EEFSEC: variants seen among roughly 807,000 people sequenced by gnomAD.
EEFSEC encodes eukaryotic elongation factor, selenocysteine-tRNA specific.
A neutral mutation model predicts 42.1 loss-of-function variants in EEFSEC; 43 were observed. That is an observed-to-expected ratio of 1.02 (90% CI 0.80 to 1.32). EEFSEC has a LOEUF of 1.32. EEFSEC is among the 40% of genes most tolerant of loss of function. The pLI is 0.00. For missense variants in EEFSEC, 745 were observed against 803.6 expected, an observed-to-expected ratio of 0.93 and a Z score of 0.88; for synonymous variants, 354 against 339.1, an observed-to-expected ratio of 1.04 and a Z score of -0.48.
chr3:128,306,505 A>G (rs2066828889), intron 4 of EEFSEC, among the ~76,000 whole-genome samples: 2 of 152,168 alleles, frequency 1.3e-5, no homozygotes, highest in Non-Finnish European at 1.5e-5. Context: ...CCAGTTTTCT[A>G]TTTGTTAACG....
At chr3:128,260,511 C>G (rs2066286324) in intron 2 of EEFSEC, among the ~76,000 whole-genome samples, 1 of 152,200 alleles carries the variant, frequency 6.6e-6, no homozygotes, top group African/African-American at 2.4e-5. Flanking sequence ...GCTATTTGCA[C>G]TAAGCAAGCT....
chr3:128,397,336 G>T (rs952857628), intron 6 of EEFSEC, among the ~76,000 whole-genome samples: 1 of 152,214 alleles, frequency 6.6e-6, no homozygotes, highest in African/African-American at 2.4e-5. Context: ...GATGGGAATC[G>T]CTGCTCCCTG....
At chr3:128,352,244 C>T (rs572367892) in intron 5 of EEFSEC, among the ~76,000 whole-genome samples, 3 of 152,358 alleles carry the variant, frequency 2.0e-5, no homozygotes, top group Admixed American at 2.0e-4. Context: ...GTAGGCCTCA[C>T]AGCATCCTGT....
At chr3:128,198,580 C>G (rs1275794227) in intron 1 of EEFSEC, among the ~76,000 whole-genome samples, 1 of 152,178 alleles carries the variant, frequency 6.6e-6, no homozygotes, top group South Asian at 2.1e-4. Context: ...GTGACAGGGC[C>G]ATGAGCTTGG....
intron 1 of EEFSEC, 110 bp downstream of exon 1, chr3:128,153,933 A>C: frequency 2.2e-6 from 3 of 1,360,672 alleles, no homozygotes; most frequent in African/African-American, 1.5e-5. Flanking sequence ...GCCCCACCTC[A>C]TTGGTGGGGC....
intron 1 of EEFSEC, among the ~76,000 whole-genome samples, chr3:128,227,690 C>T (rs895873257): frequency 5.3e-5 from 8 of 152,156 alleles, no homozygotes; most frequent in Admixed American, 3.9e-4. Context: ...AGTCTGGGTC[C>T]GGGGGTGAAT....
At chr3:128,169,098 T>C (rs1007643585) in intron 1 of EEFSEC, among the ~76,000 whole-genome samples, 7 of 152,172 alleles carry the variant, frequency 4.6e-5, no homozygotes, top group Non-Finnish European at 7.3e-5. Flanking sequence ...TGCGGAATTA[T>C]AAATTATGTA....
intron 6 of EEFSEC, among the ~76,000 whole-genome samples, chr3:128,392,390 A>G (rs1050709701): frequency 6.6e-6 from 1 of 152,170 alleles, no homozygotes; most frequent in Non-Finnish European, 1.5e-5. Context: ...GGCCCTGCCC[A>G]CCAGGCATGC....
At chr3:128,296,012 A>G (rs377391154) in intron 4 of EEFSEC, among the ~76,000 whole-genome samples, 19 of 152,168 alleles carry the variant, frequency 1.2e-4, no homozygotes, top group African/African-American at 4.3e-4. Flanking sequence ...CTGAGAAAGC[A>G]CATGTTACCA....
At chr3:128,266,428 C>T (rs1236075497) in intron 4 of EEFSEC, among the ~76,000 whole-genome samples, 2 of 152,024 alleles carry the variant, frequency 1.3e-5, no homozygotes, top group East Asian at 2.0e-4. Context: ...TCATGGAGGG[C>T]AGGCATGAAC....
intron 4 of EEFSEC, among the ~76,000 whole-genome samples, chr3:128,295,713 G>A (rs2066698238): frequency 1.3e-5 from 2 of 151,008 alleles, no homozygotes; most frequent in Admixed American, 1.3e-4. Flanking sequence ...AGAGTCCCAA[G>A]CAGGTGACCC....
chr3:128,205,626 C>T (rs1050895365), intron 1 of EEFSEC, among the ~76,000 whole-genome samples: 2 of 152,204 alleles, frequency 1.3e-5, no homozygotes, highest in Non-Finnish European at 2.9e-5. Context: ...ATTAAGTTGC[C>T]GTCAGCCTCT....
intron 1 of EEFSEC, among the ~76,000 whole-genome samples, chr3:128,182,646 G>T (rs1373785495): frequency 6.6e-6 from 1 of 152,156 alleles, no homozygotes; most frequent in Non-Finnish European, 1.5e-5. Flanking sequence ...TGTCTGGAAG[G>T]CCTTGGTTAT....
At chr3:128,395,434 C>A (rs1311864938) in intron 6 of EEFSEC, among the ~76,000 whole-genome samples, 1 of 152,234 alleles carries the variant, frequency 6.6e-6, no homozygotes, top group African/African-American at 2.4e-5. Flanking sequence ...CCTCCTCCTC[C>A]TCTGAATGCC....
intron 4 of EEFSEC, among the ~76,000 whole-genome samples, chr3:128,272,704 G>C (rs1265197597): frequency 6.6e-6 from 1 of 152,222 alleles, no homozygotes; most frequent in Non-Finnish European, 1.5e-5. Context: ...GGAACAGGCT[G>C]CTCCTGGCCT....
At position 128,340,007 on chromosome 3, in the gene EEFSEC, C is replaced by T. The variant is rs140141319; in HGVS notation, c.787-1226C>T. Among the ~76,000 whole-genome samples the T allele has an allele frequency of 6.6e-5, 10 of 152,288 alleles. No individual in the cohort carries two copies. The East Asian group carries it at 1.9e-3, about 29-fold the overall frequency. The stretch of plus-strand genomic sequence containing the variant: ...CTCCCACCAGGTCCCTCCCACAACA[C>T]ATGGGAATTAAGGAAGCTACAATTC... On this transcript the variant is annotated intron_variant, in intron 4 of 6. Coordinates refer to ENST00000254730, the MANE Select transcript of EEFSEC (RefSeq NM_021937.5).
rs533172085 is a variant in EEFSEC at position 128,281,292 on chromosome 3, A to G, written c.786+16511A>G. ...AGCTGGCCCCTAATTTGGCTCCTCC[A>G]TGGCCCAGCTTTCTGCATGCAGCTG... On this transcript the variant is annotated intron_variant, in intron 4 of 6. Transcript: ENST00000254730. Among the ~76,000 whole-genome samples the G allele has an allele frequency of 2.8e-4, 42 of 152,312 alleles. 2 individuals carry two copies. In the South Asian group the frequency reaches 8.3e-3, roughly 30 times the overall value.
At position 128,350,037 on chromosome 3, in the gene EEFSEC, C is replaced by T. The variant is rs373369514; in HGVS notation, c.1443+8148C>T. 2.9e-4 allele frequency among the ~76,000 whole-genome samples: 44 copies of T among 152,340 alleles called. No individual in the cohort carries two copies. In the East Asian group the frequency reaches 5.2e-3, roughly 18 times the overall value. On this transcript the variant is annotated intron_variant, in intron 5 of 6. Transcript: ENST00000254730. The stretch of plus-strand genomic sequence containing the variant: ...CCATCCTGGGTCTGGCACCCACTGG[C>T]GCCGGTCAGGGAAGGCCTTAGGGCT...
At chr3:128,421,699 C>T in the EEFSEC span, among the ~76,000 whole-genome samples, 4 of 152,142 alleles carry the variant, frequency 2.6e-5, no homozygotes, top group Admixed American at 6.5e-5. Context: ...CGCATTCCTC[C>T]GGGCAGCCTG....
Sources: allele counts gnomAD v4.1 joint callset (sites outside exome capture counted in the v4.1 genomes callset), GRCh38; gene constraint gnomAD v4.1.1; transcripts MANE v1.5; gene names NCBI Gene and HGNC (gene_info 2026-07-23, HGNC 2026-07-21).